Variants in USP4 observed in about 807,000 individuals in gnomAD.
USP4 encodes ubiquitin specific peptidase 4.
USP4 carries 72 observed loss-of-function variants against 118.2 expected under a neutral mutation model. The observed-to-expected ratio is 0.61, with a 90% confidence interval of 0.50 to 0.74. The LOEUF is 0.74. USP4 is among the 30% of genes least tolerant of loss of function. The pLI is 0.00. For synonymous variants in USP4, 415 were observed against 440.4 expected (o/e 0.94, Z 0.72); for missense variants, 1,037 against 1,185.7 (o/e 0.87, Z 1.84).
rs370663035 is a variant in USP4, at chr3:49,286,153, A to G, written c.2145T>C (p.Tyr715=). 5 of 1,614,068 alleles carry G rather than the reference A, an allele frequency of 3.1e-6. No individual in the cohort carries two copies. The African/African-American group carries it at 6.7e-5, about 22-fold the overall frequency. Reference sequence around the variant, plus strand: ...CAAGTGAATTTATGTCAGCTGTTCCATAGGAGTTCACAAGACTGAAGGTAA... The same window carrying G: ...CAAGTGAATTTATGTCAGCTGTTCCGTAGGAGTTCACAAGACTGAAGGTAA... ...RLFTFSLVNS[Y]GTADINSLAA... is the part of the protein sequence containing the mutation. The change falls in exon 16 of 22, where the codon TAT becomes TAC. Residue 715 remains tyrosine (Y), a synonymous_variant. Coordinates refer to ENST00000265560, the MANE Select transcript of USP4 (RefSeq NM_003363.4).
intron 15 of USP4, among the ~76,000 whole-genome samples, chr3:49,286,999 G>A (rs951652368): frequency 4.6e-5 from 7 of 151,924 alleles, no homozygotes; most frequent in Non-Finnish European, 8.8e-5. Flanking sequence ...ACAGGTGTGC[G>A]CCACCATGCC....
Position 49,305,790 on chromosome 3 carries a change from A to C in USP4, c.1053T>G (p.Ile351Met), listed in dbSNP as rs1237482682. The C allele has an allele frequency of 6.2e-7, 1 of 1,614,102 alleles. No individual in the cohort carries two copies. The highest frequency in any genetic ancestry group is 8.5e-7 in the Non-Finnish European group (1 of 1,180,034). ...TAATGAGTTCAGCATAGGCTTCTGC[A>C]ATTTCCCCTTTCATCCCCAGAGGGT... ...RDNPLGMKGE[I>M]AEAYAELIKQ... Residue 351 changes from isoleucine to methionine, a missense_variant, in exon 9 of 22, where the codon ATT becomes ATG. Physicochemically the swap from Ile to Met is conservative, Grantham distance 10. Transcript: ENST00000265560.
chr3:49,327,928 G>A (rs559916598), intron 2 of USP4, 112 bp from the exon 3 acceptor site: 2 of 1,138,424 alleles, frequency 1.8e-6, no homozygotes, highest in African/African-American at 1.5e-5. Flanking sequence ...GAAAGAAACA[G>A]GAATGAAATT....
At chr3:49,307,802 AAAAC>A (rs566767788) in intron 8 of USP4, among the ~76,000 whole-genome samples, 102 of 151,954 alleles carry the variant, frequency 6.7e-4, no homozygotes, top group East Asian at 1.5e-3. Context: ...AAAACAAAAC[AAAAC>A]AAACAAACAA....
rs372104692 is a variant in USP4 at position 49,340,053 on chromosome 3, C to T, written c.-29G>A. 143 of 1,590,556 alleles carry T rather than the reference C, an allele frequency of 9.0e-5. No individual in the cohort carries two copies. Among genetic ancestry groups the T allele is most frequent in the Non-Finnish European group, 1.1e-4 (128 of 1,171,264 alleles). The stretch of plus-strand genomic sequence containing the variant: ...CTCCGCGGCCCCGGCCCAGCCGGCC[C>T]GGACATCCGCCCCGCGCGCGGCGTG... On this transcript the variant is annotated 5_prime_UTR_variant, in exon 1 of 22. Transcript: ENST00000265560.
In USP4 at chr3:49,305,726, G is replaced by A. The variant is rs749157865; in HGVS notation, c.1117C>T (p.Arg373Cys). 1.0e-5 allele frequency: 16 copies of A among 1,606,956 alleles called. No homozygotes were observed. The highest frequency in any genetic ancestry group is 3.4e-5 in the Admixed American group (2 of 58,758). Residue 373 changes from arginine (R) to cysteine (C), a missense_variant, in exon 9 of 22, where the codon CGC (arginine) becomes TGC (cysteine). Around this residue, in one of 3 missense-constraint regions of USP4, gnomAD observed 487 missense variants for 534.1 expected, o/e 0.91. Transcript: ENST00000265560. ...ATATGTCTACCTACTTTGAACATGC[G>A]AGGTGCCACATGGGCGTCCCTTCCA... Reference protein sequence around the residue: ...WSGRDAHVAPRMFKTQVGRFA... With the variant: ...WSGRDAHVAPCMFKTQVGRFA...
chr3:49,294,714 G>A (rs2047185360), intron 13 of USP4, 116 bp from the exon 14 acceptor site: 3 of 994,064 alleles, frequency 3.0e-6, no homozygotes, highest in Non-Finnish European at 4.4e-6. Flanking sequence ...GCATATTTGA[G>A]TAGAAAAGGT....
At chr3:49,329,307 C>G (rs1240609902) in intron 2 of USP4, among the ~76,000 whole-genome samples, 6 of 152,106 alleles carry the variant, frequency 3.9e-5, no homozygotes, top group Non-Finnish European at 8.8e-5. Context: ...GTCTTGAGCC[C>G]GTTGAAGTCA....
At chr3:49,300,237 C>T (rs1319423149) in intron 11 of USP4, among the ~76,000 whole-genome samples, 1 of 150,972 alleles carries the variant, frequency 6.6e-6, no homozygotes, top group Non-Finnish European at 1.5e-5. Flanking sequence ...CAGAGCGACT[C>T]TGTCTCAAAA....
chr3:49,279,862 A>G lies in USP4; in HGVS notation c.2644+882T>C, dbSNP rs2046999126. On this transcript the variant is annotated intron_variant, in intron 20 of 21. Transcript: ENST00000265560. ...CTTTCAATTTTGAAGTTCCAACTGT[A>G]GGCCCAATGTGGACCCTCACACAAC... 1.3e-5 allele frequency among the ~76,000 whole-genome samples: 2 copies of G among 152,242 alleles called. 1 individual carries two copies. Among genetic ancestry groups the G allele is most frequent in the African/African-American group, 4.8e-5 (2 of 41,468 alleles).
intron 6 of USP4, chr3:49,317,572 T>C (rs115753735): frequency 0.17 from 102,515 of 600,226 alleles, 10,036 homozygotes; most frequent in African/African-American, 0.27. Context: ...ACAACAGTCT[T>C]ACTCTGTTGC....
chr3:49,307,764 G>A (rs1025134919), intron 8 of USP4, among the ~76,000 whole-genome samples: 2 of 151,948 alleles, frequency 1.3e-5, no homozygotes, highest in Admixed American at 6.6e-5. Context: ...GGCATCATAA[G>A]TGAGACCCCG....
At chr3:49,285,893 C>T (rs559140488) in intron 16 of USP4, among the ~76,000 whole-genome samples, 1 of 152,228 alleles carries the variant, frequency 6.6e-6, no homozygotes, top group South Asian at 2.1e-4. Context: ...CCTCTGAGGT[C>T]ATCGAGGACT....
chr3:49,280,691 T>C, intron 20 of USP4, 53 bp downstream of exon 20: 1 of 1,491,634 alleles, frequency 6.7e-7, no homozygotes, highest in East Asian at 2.3e-5. Flanking sequence ...TGGTGAGAGA[T>C]GATGGCCGAG....
intron 19 of USP4, among the ~76,000 whole-genome samples, chr3:49,283,189 C>A (rs12171281): frequency 6.7e-6 from 1 of 150,274 alleles, no homozygotes; most frequent in Non-Finnish European, 1.5e-5. Context: ...CTAACTTTTG[C>A]ATTTTTAGTA....
intron 6 of USP4, chr3:49,312,297 T>G: frequency 1.5e-5 from 5 of 325,098 alleles, no homozygotes; most frequent in South Asian, 2.3e-5. Flanking sequence ...AGGTCAGGAG[T>G]TCAAGACACA....
chr3:49,315,784 G>A (rs1454842101), intron 6 of USP4, among the ~76,000 whole-genome samples: 3 of 152,132 alleles, frequency 2.0e-5, no homozygotes. Context: ...CCTGTGCCCA[G>A]GCCCAAAGTG....
At chr3:49,300,793 T>A (rs1442909737) in intron 10 of USP4, 102 bp from the exon 11 acceptor site, 2 of 1,043,536 alleles carry the variant, frequency 1.9e-6, no homozygotes, top group Non-Finnish European at 2.8e-6. Context: ...CAGGTGGCAA[T>A]CTGTACAGCC....
In USP4 at chr3:49,286,158, A is replaced by C. The variant is rs1204550627; in HGVS notation, c.2140T>G (p.Ser714Ala). 2 of 1,614,168 alleles carry C rather than the reference A, an allele frequency of 1.2e-6. No homozygotes were observed. The highest frequency in any genetic ancestry group is 1.7e-6 in the Non-Finnish European group (2 of 1,180,030). ...KRLFTFSLVN[S>A]YGTADINSLA... ...GAATTTATGTCAGCTGTTCCATAGG[A>C]GTTCACAAGACTGAAGGTAAAAAGC... is the stretch of plus-strand genomic sequence containing the variant. The change falls in exon 16 of 22, where the codon TCC becomes GCC. Residue 714 changes from serine to alanine, a missense_variant. By Grantham distance (99) the Ser-to-Ala change is moderately conservative. This residue lies in a region of USP4 where 522 missense variants were observed against 592.6 expected (regional missense o/e 0.88). Transcript: ENST00000265560.
Sources: allele counts gnomAD v4.1 joint callset (sites outside exome capture counted in the v4.1 genomes callset), GRCh38; gene constraint gnomAD v4.1.1; regional missense constraint gnomAD v4.1.1; transcripts MANE v1.5; gene names NCBI Gene and HGNC (gene_info 2026-07-23, HGNC 2026-07-21).